The following ZCWPW2 variants were observed in gnomAD, a reference collection of about 807,000 sequenced individuals.
The protein encoded by ZCWPW2 is zinc finger CW-type PWWP domain protein 2.
A neutral mutation model predicts 46.6 loss-of-function variants in ZCWPW2; 45 were observed. The observed-to-expected ratio is 0.96, with a 90% CI of 0.76 to 1.24. ZCWPW2 has a LOEUF of 1.24. Among genes scored for constraint, ZCWPW2 ranks in the 50% most tolerant of loss-of-function variants. The pLI is 0.00. For synonymous variants in ZCWPW2, 152 were observed against 137.1 expected (o/e 1.11, Z -0.76); for missense variants, 429 against 403.9 (o/e 1.06, Z -0.53).
At chr3:28,372,671 A>G (rs1705373977) in intron 1 of ZCWPW2, among the ~76,000 whole-genome samples, 1 of 152,092 alleles carries the variant, frequency 6.6e-6, no homozygotes, top group African/African-American at 2.4e-5. Context: ...TGTTGCATAG[A>G]TAGATATATT....
At chr3:28,503,569 T>C (rs1035337636) in intron 6 of ZCWPW2, among the ~76,000 whole-genome samples, 6 of 152,084 alleles carry the variant, frequency 3.9e-5, no homozygotes, top group Admixed American at 3.9e-4. Context: ...AATAATGAGT[T>C]TGTATTTTAT....
chr3:28,389,493 G>T (rs1695405212), intron 1 of ZCWPW2, among the ~76,000 whole-genome samples: 1 of 152,052 alleles, frequency 6.6e-6, no homozygotes. Context: ...GTGATATTTT[G>T]CTTACCTCTA....
At chr3:28,509,976 T>C (rs993016986) in intron 6 of ZCWPW2, among the ~76,000 whole-genome samples, 3 of 152,218 alleles carry the variant, frequency 2.0e-5, no homozygotes, top group Non-Finnish European at 4.4e-5. Context: ...TGGTCCATTT[T>C]AACTTTTATG....
intron 1 of ZCWPW2, among the ~76,000 whole-genome samples, chr3:28,363,857 T>G (rs1705026423): frequency 6.6e-6 from 1 of 152,178 alleles, no homozygotes; most frequent in Non-Finnish European, 1.5e-5. Flanking sequence ...TCCTGACTGA[T>G]CCTACTCCTT....
In ZCWPW2 at chr3:28,362,262, A is replaced by G. The variant is rs1210074762; in HGVS notation, c.-134+13059A>G. 2.0e-5 allele frequency among the ~76,000 whole-genome samples: 3 copies of G among 152,154 alleles called. No individual in the cohort carries two copies. In the East Asian group the frequency reaches 5.8e-4, roughly 29 times the overall value. On this transcript the variant is annotated intron_variant, in intron 1 of 9. Coordinates refer to ENST00000383768, the MANE Select transcript of ZCWPW2 (RefSeq NM_001040432.4). ...GTACAACAGTGTGAATATAGTTGAC[A>G]ATACTGTACACTTAAAATTTTTAAA...
At chr3:28,488,353 G>T (rs965027234) in intron 5 of ZCWPW2, among the ~76,000 whole-genome samples, 3 of 152,114 alleles carry the variant, frequency 2.0e-5, no homozygotes, top group Non-Finnish European at 4.4e-5. Flanking sequence ...AAGAAGAGTT[G>T]TTCATTTTTC....
intron 1 of ZCWPW2, among the ~76,000 whole-genome samples, chr3:28,372,599 C>T (rs1184464900): frequency 1.3e-5 from 2 of 152,146 alleles, no homozygotes; most frequent in Non-Finnish European, 2.9e-5. Context: ...TTATTTACAA[C>T]CTTTTTTGGC....
At chr3:28,353,739 G>A (rs181596015) in intron 1 of ZCWPW2, among the ~76,000 whole-genome samples, 10 of 152,278 alleles carry the variant, frequency 6.6e-5, no homozygotes, top group Admixed American at 5.9e-4. Context: ...AAAATGCAGT[G>A]ATTTTTCTGG....
intron 1 of ZCWPW2, among the ~76,000 whole-genome samples, chr3:28,374,362 A>G (rs185530998): frequency 1.3e-5 from 2 of 152,064 alleles, no homozygotes; most frequent in African/African-American, 4.8e-5. Context: ...GTCTAGTTTT[A>G]TGTGGCTTTG....
intron 6 of ZCWPW2, among the ~76,000 whole-genome samples, chr3:28,493,051 A>C (rs1417293997): frequency 1.1e-5 from 1 of 89,542 alleles, no homozygotes. Flanking sequence ...GTTTTGTTTT[A>C]TCTTTTTGCT....
intron 4 of ZCWPW2, among the ~76,000 whole-genome samples, chr3:28,462,967 T>G (rs1698696741): frequency 6.6e-6 from 1 of 152,306 alleles, no homozygotes; most frequent in East Asian, 1.9e-4. Flanking sequence ...TAAAACAAGA[T>G]CACATAGAAC....
chr3:28,449,852 G>A (rs753864600), intron 4 of ZCWPW2, among the ~76,000 whole-genome samples: 32 of 152,198 alleles, frequency 2.1e-4, no homozygotes, highest in South Asian at 1.0e-3. Flanking sequence ...TTTATATTTA[G>A]TAGGTACATA....
intron 2 of ZCWPW2, among the ~76,000 whole-genome samples, chr3:28,404,250 A>G (rs1242887623): frequency 1.3e-5 from 2 of 152,186 alleles, no homozygotes; most frequent in African/African-American, 4.8e-5. Context: ...AAAGAGATAT[A>G]CAAATGACCA....
At chr3:28,399,564 G>C (rs1197348328) in intron 2 of ZCWPW2, among the ~76,000 whole-genome samples, 2 of 152,150 alleles carry the variant, frequency 1.3e-5, no homozygotes, top group African/African-American at 4.8e-5. Flanking sequence ...AACAGGTGCT[G>C]GTATTCATGG....
chr3:28,424,469 A>G (rs1437164626), intron 3 of ZCWPW2, among the ~76,000 whole-genome samples: 3 of 152,160 alleles, frequency 2.0e-5, no homozygotes, highest in African/African-American at 7.2e-5. Flanking sequence ...ATCCAATATG[A>G]CTGGCATCCT....
chr3:28,358,989 C>G (rs1172487950), intron 1 of ZCWPW2, among the ~76,000 whole-genome samples: 1 of 152,018 alleles, frequency 6.6e-6, no homozygotes, highest in East Asian at 1.9e-4. Context: ...AGAGAAAAGA[C>G]TGAAAACTAT....
At chr3:28,432,068 C>A (rs1697278090) in intron 3 of ZCWPW2, among the ~76,000 whole-genome samples, 1 of 152,150 alleles carries the variant, frequency 6.6e-6, no homozygotes, top group Admixed American at 6.5e-5. Context: ...CCTCATGACT[C>A]AATTACCTCC....
At chr3:28,431,904 A>G (rs963299793) in intron 3 of ZCWPW2, among the ~76,000 whole-genome samples, 1 of 152,192 alleles carries the variant, frequency 6.6e-6, no homozygotes, top group African/African-American at 2.4e-5. Flanking sequence ...CCAGGAACTT[A>G]GAATCATGGT....
intron 4 of ZCWPW2, chr3:28,447,596 C>A (rs1352761508): frequency 2.7e-5 from 6 of 219,330 alleles, no homozygotes; most frequent in Admixed American, 9.6e-5. Context: ...AGATGAGGAA[C>A]AAAGCACAGA....
Sources: allele counts gnomAD v4.1 joint callset (sites outside exome capture counted in the v4.1 genomes callset), GRCh38; gene constraint gnomAD v4.1.1; transcripts MANE v1.5; gene names NCBI Gene and HGNC (gene_info 2026-07-23, HGNC 2026-07-21).